Variants in ZNF90 observed in about 807,000 individuals in gnomAD.
ZNF90 encodes zinc finger protein 90, also known as zinc finger protein HTF9.
In ZNF90, 11 loss-of-function variants were observed where a neutral mutation model predicts 12.0. The ratio of observed to expected loss-of-function variants is 0.92; its 90% CI spans 0.58 to 1.52. The LOEUF (loss-of-function observed/expected upper bound fraction) is 1.52. ZNF90 is among the 40% of genes most tolerant of loss of function. ZNF90 has a pLI of 0.00. For missense variants in ZNF90, 765 were observed against 711.5 expected (o/e 1.08, Z -0.86); for synonymous variants, 232 against 240.1 (o/e 0.97, Z 0.31).
chr19:20,080,317 T>G (rs1599637531), intron 1 of ZNF90: 2 of 534,716 alleles, frequency 3.7e-6, no homozygotes, highest in African/African-American at 1.9e-5. Context: ...GATCCTTGTT[T>G]TACCAGTACA....
chr19:20,091,633 T>C (rs2088903567), intron 1 of ZNF90, among the ~76,000 whole-genome samples: 1 of 152,236 alleles, frequency 6.6e-6, no homozygotes, highest in African/African-American at 2.4e-5. Context: ...TGGGATCTGA[T>C]GCCTTTTGAT....
In ZNF90 at chr19:20,079,374, T is replaced by C. The variant is rs866526137; in HGVS notation, c.3+1239T>C. 4.6e-5 allele frequency among the ~76,000 whole-genome samples: 7 copies of C among 151,102 alleles called. No homozygotes were observed. The South Asian group carries it at 1.3e-3, about 27-fold the overall frequency. Reference sequence around the variant, plus strand: ...AGTTAAGATTAAGATGAAAGGAAACTGGATGGGTCTTACTGATAATGATGT... The same window carrying C: ...AGTTAAGATTAAGATGAAAGGAAACCGGATGGGTCTTACTGATAATGATGT... On this transcript the variant is annotated intron_variant, in intron 1 of 3. Coordinates refer to ENST00000418063, the MANE Select transcript of ZNF90 (RefSeq NM_007138.2).
chr19:20,112,245 T>A (rs1005658191), intron 3 of ZNF90, among the ~76,000 whole-genome samples: 11 of 151,670 alleles, frequency 7.3e-5, no homozygotes, highest in Admixed American at 6.6e-4. Flanking sequence ...TTTTTTTTTT[T>A]TTTTGAGACT....
At chr19:20,092,490 TA>T (rs1379495689) in intron 1 of ZNF90, among the ~76,000 whole-genome samples, 2 of 152,082 alleles carry the variant, frequency 1.3e-5, no homozygotes, top group African/African-American at 2.4e-5. Context: ...AGAGCTAGAA[TA>T]GGGGCAGTCT....
In ZNF90 at chr19:20,102,849, T is replaced by G. The variant is rs117649205; in HGVS notation, c.4-1390T>G. Among the ~76,000 whole-genome samples, 92 of 152,270 alleles carry G rather than the reference T, an allele frequency of 6.0e-4. No homozygotes were observed. The East Asian group carries it at 0.017, about 28-fold the overall frequency. On this transcript the variant is annotated intron_variant, in intron 1 of 3. Transcript: ENST00000418063. ...ATTACCCAGAAAGTTCTGAAAAAAG[T>G]ATTAGGAGATAGCTGCTCTCTAGGG... is the stretch of plus-strand genomic sequence containing the variant.
At chr19:20,098,959 A>G (rs1555703536) in intron 1 of ZNF90, among the ~76,000 whole-genome samples, 1 of 152,192 alleles carries the variant, frequency 6.6e-6, no homozygotes, top group East Asian at 1.9e-4. Context: ...TCATATGGCC[A>G]TTAAAAAAAA....
chr19:20,106,334 TTTTA>T (rs1197006043), intron 3 of ZNF90, among the ~76,000 whole-genome samples: 10 of 152,320 alleles, frequency 6.6e-5, no homozygotes, highest in African/African-American at 1.9e-4. Context: ...TCAATGGATT[TTTTA>T]TTTATTTCAC....
At chr19:20,104,413 T>C in intron 2 of ZNF90, 48 bp downstream of exon 2, 6 of 1,528,796 alleles carry the variant, frequency 3.9e-6, no homozygotes, top group Non-Finnish European at 3.5e-6. Context: ...TAAAGGTTGT[T>C]TTTATGTTTT....
At position 20,120,258 on chromosome 19, in the gene ZNF90, AC is replaced by A. The variant is rs2089184187; in HGVS notation, c.*899del. Among the ~76,000 whole-genome samples the A allele has an allele frequency of 1.3e-5, 2 of 152,260 alleles. No homozygotes were observed. Among genetic ancestry groups the A allele is most frequent in the African/African-American group, 2.4e-5 (1 of 41,468 alleles). The stretch of plus-strand genomic sequence containing the variant: ...CATCTTACCCAACAGAAGGTGGTTC[AC>A]AGTTAATGAAAGCATTTAAAGTGCA... On this transcript the variant is annotated 3_prime_UTR_variant, in exon 4 of 4. Transcript: ENST00000418063.
intron 3 of ZNF90, among the ~76,000 whole-genome samples, chr19:20,113,445 G>A (rs2089108085): frequency 1.3e-5 from 2 of 151,960 alleles, no homozygotes; most frequent in South Asian, 4.2e-4. Context: ...TGCCCACCTT[G>A]GCCTCCCAAA....
chr19:20,118,669 A>G lies in ZNF90; in HGVS notation c.1115A>G (p.Asp372Gly), dbSNP rs782641801. 1.9e-6 allele frequency: 3 copies of G among 1,568,268 alleles called. No individual in the cohort carries two copies. Among genetic ancestry groups the G allele is most frequent in the African/African-American group, 2.7e-5 (2 of 73,656 alleles). Reference protein sequence around the residue: ...IHTGEKPYKCDKCGKAFISSS... With the variant: ...IHTGEKPYKCGKCGKAFISSS... ...ACTGGAGAGAAACCCTACAAGTGTG[A>G]TAAATGTGGCAAAGCATTTATTTCA... is the stretch of plus-strand genomic sequence containing the variant. Residue 372 changes from aspartate (D) to glycine (G), a missense_variant, in exon 4 of 4, where the codon GAT becomes GGT. By Grantham distance (94) the Asp-to-Gly change is moderately conservative (BLOSUM62 -1). Transcript: ENST00000418063.
At chr19:20,103,400 C>G (rs2089005787) in intron 1 of ZNF90, among the ~76,000 whole-genome samples, 1 of 152,150 alleles carries the variant, frequency 6.6e-6, no homozygotes, top group South Asian at 2.1e-4. Flanking sequence ...CAGCTTTCTT[C>G]CCAACCCTCA....
At position 20,114,998 on chromosome 19, in the gene ZNF90, T is replaced by C. The variant is rs185952531; in HGVS notation, c.227-2783T>C. Reference sequence around the variant, plus strand: ...ACAAATACACACATGGATAAACAAATTTGTCATAGGTCCCCAGCGAATGAA... The same window carrying C: ...ACAAATACACACATGGATAAACAAACTTGTCATAGGTCCCCAGCGAATGAA... On this transcript the variant is annotated intron_variant, in intron 3 of 3. Transcript: ENST00000418063. Among the ~76,000 whole-genome samples the C allele has an allele frequency of 1.1e-3, 165 of 152,302 alleles. 1 individual carries two copies. The highest frequency in any genetic ancestry group is 3.7e-3 in the African/African-American group (155 of 41,572).
chr19:20,113,366 A>C (rs1555705348), intron 3 of ZNF90, among the ~76,000 whole-genome samples: 1 of 151,894 alleles, frequency 6.6e-6, no homozygotes, highest in South Asian at 2.1e-4. Context: ...AATTTCATTC[A>C]TACTTTAGTA....
At chr19:20,106,044 CTTTTTT>C (rs56933917) in intron 3 of ZNF90, among the ~76,000 whole-genome samples, 1,768 of 71,180 alleles carry the variant, frequency 0.025, 14 homozygotes, top group Middle Eastern at 0.036. Flanking sequence ...CTAATTTTTT[CTTTTTT>C]TTTTTTTTTT....
chr19:20,120,099 A>G lies in ZNF90; in HGVS notation c.*739A>G, dbSNP rs2089182922. On this transcript the variant is annotated 3_prime_UTR_variant, in exon 4 of 4. Transcript: ENST00000418063. ...GTAGGTAAGATAATTCATACTGGCA[A>G]AACTCCTACAAGTGTGAAGAATGTG... Among the ~76,000 whole-genome samples the G allele has an allele frequency of 6.6e-6, 1 of 152,214 alleles. No homozygotes were observed. Among genetic ancestry groups the G allele is most frequent in the African/African-American group, 2.4e-5 (1 of 41,460 alleles).
Position 20,105,222 on chromosome 19 carries a change from T to C in ZNF90, c.132T>C (p.Gly44=), listed in dbSNP as rs1555704269. Residue 44 remains glycine (G), a splice_region_variant and synonymous_variant, in exon 3 of 4, where the codon GGT becomes GGC. Transcript: ENST00000418063. Reference sequence around the variant, plus strand: ...TGTTATTTATTTTTAATAAAACAGGTATTGTTGTCACTAAGCCAGACCTGA... The same window carrying C: ...TGTTATTTATTTTTAATAAAACAGGCATTGTTGTCACTAAGCCAGACCTGA... The part of the protein sequence containing the change: ...LENYRHLVFL[G]IVVTKPDLIT... 6.3e-7 allele frequency: 1 copy of C among 1,599,392 alleles called. No homozygotes were observed. The highest frequency in any genetic ancestry group is 1.1e-5 in the South Asian group (1 of 90,032).
In ZNF90 at chr19:20,119,435, AAAGCCTTTGACCACCCCTCTACTCTTAC is replaced by A; in HGVS notation, c.*76_*103del. The A allele has an allele frequency of 7.4e-7, 1 of 1,351,984 alleles. No homozygotes were observed. Among genetic ancestry groups the A allele is most frequent in the East Asian group, 2.5e-5 (1 of 39,996 alleles). 83.7% of individuals were successfully genotyped at this position (1,351,984 alleles called of 1,614,324 possible). A position where few individuals can be genotyped will look rare whatever the true frequency, so the allele number is the denominator to read the frequency against. ...ACCGTATAAATGTGATGACTGTTGG[AAAGCCTTTGACCACCCCTCTACTCTTAC>A]TAAATATGAGAATTTATATGAAACA... is the stretch of plus-strand genomic sequence containing the variant. On this transcript the variant is annotated 3_prime_UTR_variant, in exon 4 of 4. Coordinates refer to ENST00000418063, the MANE Select transcript of ZNF90 (RefSeq NM_007138.2).
Position 20,118,981 on chromosome 19 carries a change from C to T in ZNF90, c.1427C>T (p.Thr476Ile). Reference sequence around the variant, plus strand: ...CTTACTACACATAAGATAAGTCATACTGAAGAGAAACTCTACAAATGTCAA... The same window carrying T: ...CTTACTACACATAAGATAAGTCATATTGAAGAGAAACTCTACAAATGTCAA... ...SNLTTHKISH[T>I]EEKLYKCQEC... is the part of the protein sequence containing the mutation. The change falls in exon 4 of 4, where the codon ACT (threonine) becomes ATT (isoleucine). Residue 476 changes from threonine (T) to isoleucine (I), a missense_variant. By Grantham distance (89) the Thr-to-Ile change is moderately conservative. Coordinates refer to ENST00000418063, the MANE Select transcript of ZNF90 (RefSeq NM_007138.2). The T allele has an allele frequency of 6.2e-7, 1 of 1,609,586 alleles. No homozygotes were observed. Among genetic ancestry groups the T allele is most frequent in the Non-Finnish European group, 8.5e-7 (1 of 1,177,740 alleles).
Sources: allele counts gnomAD v4.1 joint callset (sites outside exome capture counted in the v4.1 genomes callset), GRCh38; gene constraint gnomAD v4.1.1; transcripts MANE v1.5; gene names NCBI Gene and HGNC (gene_info 2026-07-23, HGNC 2026-07-21).